The following CDK14 variants were observed in gnomAD, a reference collection of about 807,000 sequenced individuals.
The protein encoded by CDK14 is cyclin dependent kinase 14, also known as cyclin-dependent kinase 14.
Under a neutral mutation model 60.7 loss-of-function variants are expected in CDK14, and 34 were observed. The ratio of observed to expected loss-of-function variants is 0.56; its 90% CI spans 0.43 to 0.75. CDK14 has a LOEUF of 0.75. CDK14 is among the 30% of genes least tolerant of loss of function. The probability of loss-of-function intolerance (pLI) is 0.00; values close to 1 mark genes in which losing one functional copy is unlikely to be tolerated. For synonymous variants in CDK14, 197 were observed against 203.7 expected (o/e 0.97, Z 0.28); for missense variants, 482 against 564.1 (o/e 0.85, Z 1.47).
Position 90,863,155 on chromosome 7 carries a change from C to G in CDK14, c.545-20C>G, listed in dbSNP as rs532154764. 5.8e-6 allele frequency: 8 copies of G among 1,371,900 alleles called. No homozygotes were observed. Among genetic ancestry groups the G allele is most frequent in the South Asian group, 4.9e-5 (4 of 81,518 alleles). 85.0% of individuals were successfully genotyped at this position (1,371,900 alleles called of 1,614,324 possible). Reference sequence around the variant, plus strand: ...TTGTTATCCACGATAAATTGTTTCTCTGTCCATTTTGTTTTACAGCTTCTC... The same window carrying G: ...TTGTTATCCACGATAAATTGTTTCTGTGTCCATTTTGTTTTACAGCTTCTC... On this transcript the variant is annotated intron_variant, in intron 5 of 14. Transcript: ENST00000380050.
rs540084293 is a variant in CDK14 at position 90,836,587 on chromosome 7, A to AT, written c.545-26579dup. Among the ~76,000 whole-genome samples, 785 of 151,798 alleles carry AT rather than the reference A, an allele frequency of 5.2e-3. 3 individuals carry two copies. The highest frequency in any genetic ancestry group is 0.014 in the Middle Eastern group (4 of 292). On this transcript the variant is annotated intron_variant, in intron 5 of 14. Coordinates refer to ENST00000380050, the MANE Select transcript of CDK14 (RefSeq NM_001287135.2). ...ACCTGCCTAAGGCTGTTTTACAGTG[A>AT]TTTTTTTTTAACAAGTAAAAGGAGT...
chr7:90,696,445 ATTC>A (rs1801661832), intron 2 of CDK14, among the ~76,000 whole-genome samples: 1 of 148,206 alleles, frequency 6.7e-6, no homozygotes, highest in Non-Finnish European at 1.5e-5. Flanking sequence ...GGTTCAAGTG[ATTC>A]TTGTGCCTCA....
intron 6 of CDK14, among the ~76,000 whole-genome samples, chr7:90,895,094 G>A (rs1429278436): frequency 2.0e-5 from 3 of 152,030 alleles, no homozygotes; most frequent in African/African-American, 7.2e-5. Flanking sequence ...GGAATAACTT[G>A]TATATGTTAT....
chr7:91,043,188 A>G (rs1346742716), intron 10 of CDK14, among the ~76,000 whole-genome samples: 1 of 152,244 alleles, frequency 6.6e-6, no homozygotes, highest in African/African-American at 2.4e-5. Context: ...CTGGATATGG[A>G]TGAGGATAAT....
At chr7:90,771,729 G>A (rs1253046276) in intron 4 of CDK14, among the ~76,000 whole-genome samples, 2 of 152,310 alleles carry the variant, frequency 1.3e-5, no homozygotes, top group East Asian at 3.9e-4. Flanking sequence ...TGAAGCCTTG[G>A]CCTGGGACCA....
At chr7:90,783,102 T>G (rs551890436) in intron 4 of CDK14, among the ~76,000 whole-genome samples, 3 of 152,290 alleles carry the variant, frequency 2.0e-5, no homozygotes, top group South Asian at 4.1e-4. Flanking sequence ...GAACTTTATA[T>G]GCCACTCTAA....
intron 4 of CDK14, among the ~76,000 whole-genome samples, chr7:90,778,884 C>T (rs1188351556): frequency 9.0e-6 from 1 of 111,272 alleles, no homozygotes; most frequent in Non-Finnish European, 1.8e-5. Context: ...TCCTTCCTTC[C>T]TTCCTTCCTT....
intron 5 of CDK14, among the ~76,000 whole-genome samples, chr7:90,844,698 A>G (rs1266385041): frequency 2.6e-5 from 4 of 152,338 alleles, no homozygotes; most frequent in South Asian, 2.1e-4. Context: ...CAAATGAAGG[A>G]TAAGAAAATC....
At chr7:90,668,696 ATTCTTT>A (rs1563037892) in intron 2 of CDK14, among the ~76,000 whole-genome samples, 4 of 68,428 alleles carry the variant, frequency 5.8e-5, no homozygotes, top group Admixed American at 2.1e-4. Context: ...AAGGACTCGC[ATTCTTT>A]TTTTTTTTTT....
At chr7:90,747,504 T>C (rs1050533031) in intron 3 of CDK14, among the ~76,000 whole-genome samples, 177 bp from the exon 4 acceptor site, 4 of 151,302 alleles carry the variant, frequency 2.6e-5, no homozygotes, top group Admixed American at 1.3e-4. Flanking sequence ...TTTATTTGCA[T>C]TTTTTTTTAG....
At chr7:90,598,601 A>G (rs1452907728) in intron 1 of CDK14, among the ~76,000 whole-genome samples, 6 of 152,212 alleles carry the variant, frequency 3.9e-5, no homozygotes, top group Non-Finnish European at 1.5e-5. Flanking sequence ...AACGACATTC[A>G]AAGTAGCATT....
At chr7:91,022,034 A>G (rs549942481) in intron 10 of CDK14, among the ~76,000 whole-genome samples, 2 of 152,190 alleles carry the variant, frequency 1.3e-5, no homozygotes, top group Non-Finnish European at 2.9e-5. Context: ...CATCTCTCCA[A>G]GATGGCTGAG....
At position 90,879,535 on chromosome 7, in the gene CDK14, G is replaced by A. The variant is rs765789064; in HGVS notation, c.639+16266G>A. On this transcript the variant is annotated intron_variant, in intron 6 of 14. Transcript: ENST00000380050. ...TAAGTGTGTGAATCCTTCACTGGCAGCCATGGTATCCAAGTTCTCTCATCA... is the reference window on the plus strand; with the variant it reads ...TAAGTGTGTGAATCCTTCACTGGCAACCATGGTATCCAAGTTCTCTCATCA... 7.9e-5 allele frequency among the ~76,000 whole-genome samples: 12 copies of A among 152,198 alleles called. 1 individual carries two copies. The highest frequency in any genetic ancestry group is 4.2e-4 in the South Asian group (2 of 4,816).
At chr7:90,809,964 T>G (rs1789021482) in intron 5 of CDK14, among the ~76,000 whole-genome samples, 1 of 152,170 alleles carries the variant, frequency 6.6e-6, no homozygotes, top group Non-Finnish European at 1.5e-5. Flanking sequence ...GCTCTGAAGT[T>G]CAGTCAATAA....
intron 11 of CDK14, among the ~76,000 whole-genome samples, chr7:91,074,810 A>C (rs1433338805): frequency 6.6e-6 from 1 of 152,242 alleles, no homozygotes; most frequent in African/African-American, 2.4e-5. Context: ...TAAATGGGAT[A>C]TCACCAGTGA....
chr7:90,885,269 G>T (rs1791904944), intron 6 of CDK14, among the ~76,000 whole-genome samples: 1 of 152,008 alleles, frequency 6.6e-6, no homozygotes, highest in African/African-American at 2.4e-5. Context: ...AAAAAAGTGG[G>T]CAAAGGATAT....
At chr7:90,809,839 C>T (rs1347452769) in intron 5 of CDK14, among the ~76,000 whole-genome samples, 3 of 152,168 alleles carry the variant, frequency 2.0e-5, no homozygotes, top group Non-Finnish European at 4.4e-5. Flanking sequence ...ATACTATGAA[C>T]ACCTCTATGC....
At chr7:90,893,612 A>T (rs1042104310) in intron 6 of CDK14, among the ~76,000 whole-genome samples, 1 of 152,228 alleles carries the variant, frequency 6.6e-6, no homozygotes, top group African/African-American at 2.4e-5. Context: ...AATGAGTAAA[A>T]CTAAGGAAAG....
chr7:90,932,918 A>C (rs996221946), intron 8 of CDK14, among the ~76,000 whole-genome samples: 1 of 152,238 alleles, frequency 6.6e-6, no homozygotes, highest in African/African-American at 2.4e-5. Context: ...AATATTCCAC[A>C]ACAAAGTGAA....
Sources: gnomAD v4.1 joint callset for allele counts (sites outside exome capture counted in the v4.1 genomes callset) on GRCh38, gnomAD v4.1.1 for gene constraint, MANE v1.5 for transcripts, NCBI Gene and HGNC (gene_info 2026-07-23, HGNC 2026-07-21) for gene names.